The following TMTC1 variants were observed in gnomAD, a reference collection of about 807,000 sequenced individuals.
The protein encoded by TMTC1 is protein O-mannosyl-transferase TMTC1.
Under a neutral mutation model 104.8 loss-of-function variants are expected in TMTC1, and 73 were observed. The ratio of observed to expected loss-of-function variants is 0.70; its 90% confidence interval spans 0.58 to 0.85. TMTC1 has a LOEUF of 0.85. Ranked by LOEUF, TMTC1 falls within the 40% of genes least tolerant of loss-of-function variation. The probability of loss-of-function intolerance (pLI) is 0.00; values close to 1 mark genes in which losing one functional copy is unlikely to be tolerated. For synonymous variants in TMTC1, 434 were observed against 428.7 expected (o/e 1.01, Z -0.15); for missense variants, 1,035 against 1,096.1 (o/e 0.94, Z 0.79).
intron 9 of TMTC1, among the ~76,000 whole-genome samples, chr12:29,570,891 C>CA (rs1555170714): frequency 2.7e-5 from 4 of 147,918 alleles, no homozygotes; most frequent in African/African-American, 1.0e-4. Context: ...ACCCCCCCCC[C>CA]CCGCCAAAAC....
At chr12:29,530,576 C>T (rs1944474861) in intron 11 of TMTC1, among the ~76,000 whole-genome samples, 1 of 152,184 alleles carries the variant, frequency 6.6e-6, no homozygotes, top group Admixed American at 6.5e-5. Flanking sequence ...GCAACCCCTT[C>T]ATAAATATTC....
chr12:29,576,489 T>C (rs889763759), intron 8 of TMTC1, among the ~76,000 whole-genome samples: 2 of 152,072 alleles, frequency 1.3e-5, no homozygotes, highest in African/African-American at 2.4e-5. Flanking sequence ...ACAATATGAG[T>C]GAACCTGAGG....
Position 29,520,812 on chromosome 12 carries a change from AT to A in TMTC1, c.1786-93del. ...TAGGAGCAGGAAAAGCAAAAAAAAAATAAATCTTACTAAGCACCTAATATAC... is the reference window on the plus strand; with the variant it reads ...TAGGAGCAGGAAAAGCAAAAAAAAAAAAATCTTACTAAGCACCTAATATAC... On this transcript the variant is annotated intron_variant, in intron 11 of 17. Coordinates refer to ENST00000539277, the MANE Select transcript of TMTC1 (RefSeq NM_001193451.2). The A allele has an allele frequency of 8.9e-6, 9 of 1,007,484 alleles. No homozygotes were observed. In the South Asian group the frequency reaches 1.2e-4, roughly 13 times the overall value. 62.4% of individuals were successfully genotyped at this position (1,007,484 alleles called of 1,614,324 possible). A position where few individuals can be genotyped will look rare whatever the true frequency, so the allele number is the denominator to read the frequency against.
At chr12:29,638,915 G>C (rs948382871) in intron 5 of TMTC1, among the ~76,000 whole-genome samples, 1 of 152,198 alleles carries the variant, frequency 6.6e-6, no homozygotes, top group East Asian at 1.9e-4. Context: ...GTTTCAAAGG[G>C]TCTCCACCTC....
At chr12:29,551,579 A>G (rs1221032232) in intron 10 of TMTC1, among the ~76,000 whole-genome samples, 1 of 152,170 alleles carries the variant, frequency 6.6e-6, no homozygotes, top group Admixed American at 6.6e-5. Context: ...TTTTGGCAAT[A>G]AGGGAGGTAT....
chr12:29,603,525 C>A (rs1204299805), intron 7 of TMTC1, among the ~76,000 whole-genome samples: 4 of 152,062 alleles, frequency 2.6e-5, no homozygotes, highest in Non-Finnish European at 5.9e-5. Flanking sequence ...CAATAAATGG[C>A]AGAACCAAGA....
At chr12:29,541,617 T>C (rs1178141479) in intron 10 of TMTC1, among the ~76,000 whole-genome samples, 1 of 152,030 alleles carries the variant, frequency 6.6e-6, no homozygotes. Flanking sequence ...CAGAGAAATT[T>C]TTCTTTGTTT....
intron 5 of TMTC1, among the ~76,000 whole-genome samples, chr12:29,642,244 C>T (rs1454324395): frequency 4.6e-5 from 7 of 152,192 alleles, no homozygotes; most frequent in South Asian, 2.1e-4. Flanking sequence ...CAAAGAACAC[C>T]GGGAAATTCA....
At chr12:29,561,484 G>A (rs546816845) in intron 9 of TMTC1, among the ~76,000 whole-genome samples, 68 of 152,080 alleles carry the variant, frequency 4.5e-4, no homozygotes, top group African/African-American at 1.6e-3. Context: ...AAATAATCAT[G>A]GTGTCTCTGA....
intron 11 of TMTC1, among the ~76,000 whole-genome samples, chr12:29,531,607 T>C (rs183932537): frequency 1.3e-5 from 2 of 152,286 alleles, no homozygotes; most frequent in Admixed American, 6.5e-5. Flanking sequence ...TGTGGGCTTA[T>C]AAATATTTAC....
upstream of TMTC1, chr12:29,784,427 C>A (rs1222577225): frequency 6.6e-6 from 1 of 152,266 alleles, no homozygotes; most frequent in Admixed American, 6.5e-5. Flanking sequence ...GTCCAGTCGC[C>A]GGCTCTGTGC....
chr12:29,583,820 T>A (rs993546657), intron 7 of TMTC1, among the ~76,000 whole-genome samples: 1 of 152,202 alleles, frequency 6.6e-6, no homozygotes, highest in African/African-American at 2.4e-5. Flanking sequence ...AGTCATCTTG[T>A]AGGCTTAAAG....
At chr12:29,665,969 C>G (rs1940260431) in intron 5 of TMTC1, among the ~76,000 whole-genome samples, 1 of 152,102 alleles carries the variant, frequency 6.6e-6, no homozygotes, top group African/African-American at 2.4e-5. Context: ...ACCCTGCTCA[C>G]TGGCTATAAA....
At chr12:29,591,998 C>T (rs1946295294) in intron 7 of TMTC1, among the ~76,000 whole-genome samples, 1 of 152,174 alleles carries the variant, frequency 6.6e-6, no homozygotes, top group African/African-American at 2.4e-5. Flanking sequence ...CTACCTCTGG[C>T]TCAGACATTT....
At chr12:29,524,159 TGAA>T (rs1944268917) in intron 11 of TMTC1, among the ~76,000 whole-genome samples, 1 of 152,192 alleles carries the variant, frequency 6.6e-6, no homozygotes, top group South Asian at 2.1e-4. Flanking sequence ...ATGTAACCAT[TGAA>T]AACTTTTGAG....
At chr12:29,687,486 G>T (rs1404443196) in intron 5 of TMTC1, among the ~76,000 whole-genome samples, 1 of 152,190 alleles carries the variant, frequency 6.6e-6, no homozygotes, top group East Asian at 1.9e-4. Context: ...TAAGAGACAT[G>T]ATCAGTGAAG....
chr12:29,548,400 A>G (rs1944997721), intron 10 of TMTC1, among the ~76,000 whole-genome samples: 1 of 152,146 alleles, frequency 6.6e-6, no homozygotes, highest in African/African-American at 2.4e-5. Flanking sequence ...CTCATCTTGA[A>G]TTGCAGCTCC....
intron 5 of TMTC1, among the ~76,000 whole-genome samples, chr12:29,681,099 C>CAAAAAAAAAA (rs71045827): frequency 4.7e-5 from 5 of 107,188 alleles, no homozygotes; most frequent in Middle Eastern, 5.0e-3. Context: ...ACCCTGTCTC[C>CAAAAAAAAAA]AAAAAAAAAA....
At chr12:29,746,954 C>G (rs866141218) in intron 5 of TMTC1, among the ~76,000 whole-genome samples, 10 of 152,150 alleles carry the variant, frequency 6.6e-5, no homozygotes, top group Non-Finnish European at 1.0e-4. Context: ...GTGCCTGACA[C>G]ATAGTAGGTG....
Sources: allele counts gnomAD v4.1 joint callset (sites outside exome capture counted in the v4.1 genomes callset), GRCh38; gene constraint gnomAD v4.1.1; transcripts MANE v1.5; gene names NCBI Gene and HGNC (gene_info 2026-07-23, HGNC 2026-07-21).